Variants in MYH2 observed in about 807,000 individuals in gnomAD.
MYH2 encodes myosin-2.
MYH2 carries 139 observed loss-of-function variants against 228.1 expected under a neutral mutation model. That is an observed-to-expected ratio of 0.61 (90% CI 0.53 to 0.70). The LOEUF (loss-of-function observed/expected upper bound fraction) is 0.70, where lower values mean the gene tolerates loss of function less well. Ranked by LOEUF, MYH2 falls within the 30% of genes least tolerant of loss-of-function variation. The probability of loss-of-function intolerance (pLI) is 0.00; values close to 1 mark genes in which losing one functional copy is unlikely to be tolerated. For synonymous variants in MYH2, 796 were observed against 871.1 expected (o/e 0.91, Z 1.52); for missense variants, 1,809 against 2,357.5 (o/e 0.77, Z 4.82).
chr17:10,525,945 G>A lies in MYH2; in HGVS notation c.4188-69C>T, dbSNP rs911900952. 44 of 1,510,902 alleles carry A rather than the reference G, an allele frequency of 2.9e-5. No individual in the cohort carries two copies. Among genetic ancestry groups the A allele is most frequent in the South Asian group, 5.8e-5 (5 of 86,256 alleles). The allele number at this position is 1,510,902 out of a possible 1,614,324, so 93.6% of individuals were successfully genotyped here. Reference sequence around the variant, plus strand: ...TGAATTATGAGCTATTGCCACACACGCTGAAGAGTGTTAGAAACTTCACAT... The same window carrying A: ...TGAATTATGAGCTATTGCCACACACACTGAAGAGTGTTAGAAACTTCACAT... On this transcript the variant is annotated intron_variant, in intron 30 of 39. Coordinates refer to ENST00000245503, the MANE Select transcript of MYH2 (RefSeq NM_017534.6). The surrounding 1 kb of genome is among the most constrained non-coding windows in gnomAD (Gnocchi z 4.2).
chr17:10,534,276 G>A (rs1014992081), intron 19 of MYH2, among the ~76,000 whole-genome samples: 5 of 152,286 alleles, frequency 3.3e-5, no homozygotes, highest in South Asian at 2.1e-4. Context: ...TAATATGTGG[G>A]AGAAAAAGAC....
At chr17:10,546,620 G>A (rs2073637387) in intron 4 of MYH2, among the ~76,000 whole-genome samples, 1 of 151,948 alleles carries the variant, frequency 6.6e-6, no homozygotes, top group African/African-American at 2.4e-5. Flanking sequence ...CATGGTTAGT[G>A]TTAAGGCAGG....
intron 14 of MYH2, among the ~76,000 whole-genome samples, chr17:10,538,324 AG>A (rs2073507138): frequency 2.6e-5 from 4 of 151,504 alleles, no homozygotes; most frequent in Admixed American, 2.6e-4. Context: ...AAAAAAAAAA[AG>A]ATCAAGATAC....
chr17:10,547,355 G>T, intron 4 of MYH2, 120 bp downstream of exon 4: 1 of 1,299,854 alleles, frequency 7.7e-7, no homozygotes, highest in Non-Finnish European at 1.1e-6. Context: ...CTTTTAACTA[G>T]TTATGCTGCA....
intron 10 of MYH2, among the ~76,000 whole-genome samples, chr17:10,541,730 CT>C (rs932440032): frequency 3.9e-5 from 6 of 152,148 alleles, no homozygotes; most frequent in Admixed American, 6.5e-5. Context: ...CATGTGATGT[CT>C]CCCCCAGATA....
At position 10,523,202 on chromosome 17, in the gene MYH2, A is replaced by C; in HGVS notation, c.5578-17T>G. The C allele has an allele frequency of 6.2e-7, 1 of 1,610,382 alleles. No homozygotes were observed. The highest frequency in any genetic ancestry group is 8.5e-7 in the Non-Finnish European group (1 of 1,176,582). On this transcript the variant is annotated splice_polypyrimidine_tract_variant and intron_variant, in intron 38 of 39. Coordinates refer to ENST00000245503, the MANE Select transcript of MYH2 (RefSeq NM_017534.6). ...TTCTTCCGTCTGAAAGATTATAAAA[A>C]GTCCAGGACCTTAATTACTAAAGCA...
At position 10,544,124 on chromosome 17, in the gene MYH2, C is replaced by T. The variant is rs778801023; in HGVS notation, c.509G>A (p.Arg170Gln). 9.3e-6 allele frequency: 15 copies of T among 1,613,748 alleles called. No homozygotes were observed. Among genetic ancestry groups the T allele is most frequent in the Non-Finnish European group, 1.1e-5 (13 of 1,179,674 alleles). Reference protein sequence around the residue: ...DNAYQFMLTDRENQSILITGE... With the variant: ...DNAYQFMLTDQENQSILITGE... ...CGTGATCAGGATTGACTGATTCTCTCGGTCTACAAAAGAAATTATAGACAT... is the reference window on the plus strand; with the variant it reads ...CGTGATCAGGATTGACTGATTCTCTTGGTCTACAAAAGAAATTATAGACAT... The change falls in exon 6 of 40, where the codon CGA (arginine) becomes CAA (glutamine). Residue 170 changes from arginine to glutamine, a missense_variant. Arg to Gln is a conservative substitution (Grantham distance 43). This residue lies in a region of MYH2 where 373 missense variants were observed against 620.4 expected (regional missense o/e 0.60). Transcript: ENST00000245503.
intron 22 of MYH2, among the ~76,000 whole-genome samples, chr17:10,531,424 A>C (rs1271480507): frequency 6.6e-6 from 1 of 152,150 alleles, no homozygotes; most frequent in East Asian, 1.9e-4. Flanking sequence ...AAAATGAGGG[A>C]TATTTCTACC....
rs769375618 is a variant in MYH2 at position 10,535,382 on chromosome 17, A to T, written c.1975-17T>A. On this transcript the variant is annotated splice_polypyrimidine_tract_variant and intron_variant, in intron 17 of 39. Coordinates refer to ENST00000245503, the MANE Select transcript of MYH2 (RefSeq NM_017534.6). ...CAAATTCTCCTGTAAAACCAGGAAA[A>T]ATCCTGTCATTTTAGGCTCTAGACA... 1.7e-5 allele frequency: 28 copies of T among 1,606,236 alleles called. No individual in the cohort carries two copies. The highest frequency in any genetic ancestry group is 4.4e-5 in the South Asian group (4 of 90,866).
rs776432522 is a variant in MYH2 at position 10,528,792 on chromosome 17, G to A, written c.3642C>T (p.Asp1214=). Residue 1214 remains aspartate (D), a synonymous_variant, in exon 27 of 40, where the codon GAC becomes GAT. Coordinates refer to ENST00000245503, the MANE Select transcript of MYH2 (RefSeq NM_017534.6). ...DSVAELGEQI[D]NLQRVKQKLE... Reference sequence around the variant, plus strand: ...GCTTCTGCTTCACTCGCTGCAGGTTGTCAATCTGCTCCCCAAGCTCGGCCA... The same window carrying A: ...GCTTCTGCTTCACTCGCTGCAGGTTATCAATCTGCTCCCCAAGCTCGGCCA... 3.8e-5 allele frequency: 62 copies of A among 1,614,056 alleles called. No homozygotes were observed. The highest frequency in any genetic ancestry group is 5.0e-5 in the Non-Finnish European group (59 of 1,180,030).
At chr17:10,543,444 G>A (rs931422059) in intron 8 of MYH2, among the ~76,000 whole-genome samples, 30 of 151,992 alleles carry the variant, frequency 2.0e-4, no homozygotes, top group Admixed American at 7.9e-4. Flanking sequence ...ATTGTATTTC[G>A]TAAGTACAAT....
At chr17:10,542,485 T>A (rs760204363) in intron 10 of MYH2, among the ~76,000 whole-genome samples, 2 of 152,156 alleles carry the variant, frequency 1.3e-5, no homozygotes, top group Non-Finnish European at 2.9e-5. Context: ...CTATATTTAG[T>A]GACATGGAAA....
chr17:10,545,863 C>G (rs1207146747), intron 4 of MYH2, among the ~76,000 whole-genome samples: 1 of 152,124 alleles, frequency 6.6e-6, no homozygotes, highest in Non-Finnish European at 1.5e-5. Flanking sequence ...AGCTTGAAAA[C>G]TAGTTGGCAA....
chr17:10,525,507 T>C lies in MYH2; in HGVS notation c.4481A>G (p.Tyr1494Cys). 1.2e-6 allele frequency: 2 copies of C among 1,614,228 alleles called. No homozygotes were observed. Among genetic ancestry groups the C allele is most frequent in the Non-Finnish European group, 1.7e-6 (2 of 1,180,038 alleles). Residue 1494 changes from tyrosine to cysteine, a missense_variant, in exon 32 of 40, where the codon TAT becomes TGT. Around this residue, in one of 9 missense-constraint regions of MYH2, gnomAD observed 636 missense variants for 729.9 expected, o/e 0.87. Transcript: ENST00000245503. This position sits in a 1 kb window ranked among gnomAD's most constrained non-coding sequence, Gnocchi z 4.2. ...GTELFKIKNAYEESLDQLETL... is the reference protein window; with the variant it reads ...GTELFKIKNACEESLDQLETL... ...TTCTAGCTGATCCAAAGATTCCTCATAGGCATTCTTTATCTTGAACAGCTC... is the reference window on the plus strand; with the variant it reads ...TTCTAGCTGATCCAAAGATTCCTCACAGGCATTCTTTATCTTGAACAGCTC...
Position 10,537,100 on chromosome 17 carries a change from C to T in MYH2, c.1897+133G>A. On this transcript the variant is annotated intron_variant, in intron 16 of 39. Transcript: ENST00000245503. This position sits in a 1 kb window ranked among gnomAD's most constrained non-coding sequence, Gnocchi z 4.0. The stretch of plus-strand genomic sequence containing the variant: ...CCACAAATGTATAATTACAAGGCTG[C>T]CTATCTATTCAATACTTGGAGGAAC... The T allele has an allele frequency of 1.7e-6, 2 of 1,192,986 alleles. No individual in the cohort carries two copies. Among genetic ancestry groups the T allele is most frequent in the Non-Finnish European group, 2.5e-6 (2 of 812,234 alleles). The allele number at this position is 1,192,986 out of a possible 1,614,324, so 73.9% of individuals were successfully genotyped here.
In MYH2 at chr17:10,537,889, A is replaced by G; in HGVS notation, c.1417-54T>C. ...CTTAAGCAAATTGAGTATTTTTTAA[A>G]ATACAGAACTTTTCCATTTTAAAAA... is the stretch of plus-strand genomic sequence containing the variant. On this transcript the variant is annotated intron_variant, in intron 14 of 39. Transcript: ENST00000245503. The surrounding 1 kb of genome is among the most constrained non-coding windows in gnomAD (Gnocchi z 4.0). The G allele has an allele frequency of 6.2e-7, 1 of 1,613,816 alleles. No homozygotes were observed.
At chr17:10,543,644 G>A in intron 8 of MYH2, 67 bp downstream of exon 8, 1 of 1,573,100 alleles carries the variant, frequency 6.4e-7, no homozygotes, top group Non-Finnish European at 8.7e-7. Context: ...TTCAGAGAAT[G>A]TAATTACAAA....
At position 10,539,544 on chromosome 17, in the gene MYH2, T is replaced by TA; in HGVS notation, c.1165dup (p.Tyr389LeufsTer24). The TA allele has an allele frequency of 6.2e-7, 1 of 1,614,074 alleles. No individual in the cohort carries two copies. Among genetic ancestry groups the TA allele is most frequent in the South Asian group, 1.1e-5 (1 of 91,074 alleles). ...ATCTGCAGAGTTCAGACTCTGGAGG[T>TA]AGGCCGCCTTGTCAGCAACTAAAAA... is the stretch of plus-strand genomic sequence containing the variant. On this transcript the variant is annotated frameshift_variant, in exon 13 of 40. Transcript: ENST00000245503. LOFTEE classifies it high-confidence loss of function.
chr17:10,525,432 G>T lies in MYH2; in HGVS notation c.4537+19C>A. On this transcript the variant is annotated intron_variant, in intron 32 of 39. Transcript: ENST00000245503. This position sits in a 1 kb window ranked among gnomAD's most constrained non-coding sequence, Gnocchi z 4.2. The stretch of plus-strand genomic sequence containing the variant: ...ATTCTTCCAAGTTATGAATATTATT[G>T]AATATGATAGGGACTTACGCTGTAA... The T allele has an allele frequency of 6.2e-7, 1 of 1,614,098 alleles. No individual in the cohort carries two copies. Among genetic ancestry groups the T allele is most frequent in the Non-Finnish European group, 8.5e-7 (1 of 1,179,990 alleles).
Sources: allele counts gnomAD v4.1 joint callset (sites outside exome capture counted in the v4.1 genomes callset), GRCh38; gene constraint gnomAD v4.1.1; regional missense constraint gnomAD v4.1.1; non-coding constraint Gnocchi (gnomAD v3.1); transcripts MANE v1.5; gene names NCBI Gene and HGNC (gene_info 2026-07-23, HGNC 2026-07-21).